Variants in ODF2L observed in about 807,000 individuals in gnomAD.
ODF2L encodes protein BCAP.
Under a neutral mutation model 86.3 loss-of-function variants are expected in ODF2L, and 76 were observed. That is an observed-to-expected ratio of 0.88 (90% CI 0.73 to 1.07). The LOEUF is 1.07. Among genes scored for constraint, ODF2L ranks in the 50% least tolerant of loss-of-function variants. The pLI is 0.00. For synonymous variants in ODF2L, 241 were observed against 231.3 expected (o/e 1.04, Z -0.38); for missense variants, 748 against 717.4 (o/e 1.04, Z -0.49).
intron 2 of ODF2L, chr1:86,386,091 T>C (rs550317801): frequency 6.6e-6 from 1 of 152,452 alleles, no homozygotes; most frequent in East Asian, 1.9e-4. Flanking sequence ...TGATAAAATA[T>C]TATTTTCATT....
chr1:86,370,276 TTAATTCTAAATATCATTTAG>T (rs1057326986), intron 10 of ODF2L, among the ~76,000 whole-genome samples: 2 of 150,816 alleles, frequency 1.3e-5, no homozygotes, highest in African/African-American at 5.0e-5. Flanking sequence ...TATCATTTAG[TTAATTCTAAATATCATTTAG>T]TTAATTCTAA....
chr1:86,374,741 T>C (rs1334518108), intron 8 of ODF2L, among the ~76,000 whole-genome samples: 2 of 152,314 alleles, frequency 1.3e-5, no homozygotes, highest in Admixed American at 6.5e-5. Context: ...GACCTTCTAA[T>C]TACCAAAGAC....
chr1:86,359,103 C>A (rs929969904), intron 12 of ODF2L, among the ~76,000 whole-genome samples: 7 of 152,256 alleles, frequency 4.6e-5, no homozygotes, highest in Admixed American at 2.6e-4. Context: ...CTTCTCTCAT[C>A]AATACTTCTA....
chr1:86,370,354 T>C (rs1400561610), intron 10 of ODF2L, among the ~76,000 whole-genome samples: 11 of 152,114 alleles, frequency 7.2e-5, no homozygotes, highest in Non-Finnish European at 1.6e-4. Context: ...TAGATGCTTA[T>C]ATTACAAGTT....
chr1:86,368,619 T>C, intron 11 of ODF2L: 1 of 1,390,408 alleles, frequency 7.2e-7, no homozygotes, highest in South Asian at 1.8e-5. Flanking sequence ...CTAATGGCAG[T>C]ATGAGTAATA....
intron 11 of ODF2L, among the ~76,000 whole-genome samples, chr1:86,368,059 A>AAGCCACAG (rs1207122193): frequency 6.6e-6 from 1 of 152,158 alleles, no homozygotes; most frequent in South Asian, 2.1e-4. Flanking sequence ...TGAACACGGC[A>AAGCCACAG]AGCCACAGAG....
intron 12 of ODF2L, 27 bp downstream of exon 11, chr1:86,360,399 A>G: frequency 1.0e-6 from 1 of 1,002,950 alleles, no homozygotes; most frequent in Non-Finnish European, 1.5e-6. Flanking sequence ...CAATTTTAGT[A>G]AACACTAAAA....
intron 8 of ODF2L, among the ~76,000 whole-genome samples, chr1:86,373,623 T>C (rs1659965587): frequency 6.6e-6 from 1 of 151,922 alleles, no homozygotes; most frequent in Admixed American, 6.6e-5. Context: ...TTGAATTAAT[T>C]TCATGCTCTA....
intron 7 of ODF2L, among the ~76,000 whole-genome samples, chr1:86,377,894 G>A (rs745819018): frequency 6.6e-6 from 1 of 152,078 alleles, no homozygotes; most frequent in South Asian, 2.1e-4. Context: ...ATTAATATTC[G>A]GCTTCTCATT....
downstream of ODF2L, chr1:86,347,251 TC>T (rs1187187308): frequency 6.6e-6 from 1 of 152,220 alleles, no homozygotes; most frequent in Non-Finnish European, 1.5e-5. Context: ...TCAACATCTG[TC>T]CATCTATCCA....
At chr1:86,381,707 A>G (rs1660602925) in intron 7 of ODF2L, among the ~76,000 whole-genome samples, 1 of 152,100 alleles carries the variant, frequency 6.6e-6, no homozygotes, top group South Asian at 2.1e-4. Flanking sequence ...AATTAAACCA[A>G]AAAATTCCCC....
intron 2 of ODF2L, chr1:86,386,685 G>C (rs1163568814): frequency 1.8e-5 from 7 of 399,814 alleles, no homozygotes; most frequent in East Asian, 1.1e-4. Flanking sequence ...ATTGCGCCCG[G>C]CCAGGTTTTC....
rs1317287548 is a variant in ODF2L at position 86,354,700 on chromosome 1, C to T, written c.1605-8G>A. 1.3e-6 allele frequency: 2 copies of T among 1,597,250 alleles called. No individual in the cohort carries two copies. The highest frequency in any genetic ancestry group is 2.2e-5 in the East Asian group (1 of 44,752). On this transcript the variant is annotated splice_region_variant and splice_polypyrimidine_tract_variant and intron_variant, in intron 15 of 17. Transcript: ENST00000317336. ...TCCATCTGTTCTAATTTTCTTTTTACAGAAAACATATATTTTAAAATGTTA... is the reference window on the plus strand; with the variant it reads ...TCCATCTGTTCTAATTTTCTTTTTATAGAAAACATATATTTTAAAATGTTA...
At chr1:86,393,843 G>C (rs1661506961) in intron 1 of ODF2L, among the ~76,000 whole-genome samples, 1 of 152,176 alleles carries the variant, frequency 6.6e-6, no homozygotes, top group South Asian at 2.1e-4. Flanking sequence ...CTAACACAGT[G>C]GGGAGCATAG....
chr1:86,376,252 G>T (rs777958861), exon 8 of ODF2L: 2 of 1,608,796 alleles, frequency 1.2e-6, no homozygotes, highest in Non-Finnish European at 1.7e-6. Context: ...AATTTGGGAA[G>T]TAAGCTTTTC....
chr1:86,372,717 T>C, intron 8 of ODF2L, 177 bp from the exon 9 acceptor site: 1 of 397,232 alleles, frequency 2.5e-6, no homozygotes, highest in East Asian at 4.1e-5. Flanking sequence ...TGCAAAAATA[T>C]GGAACCAGCC....
chr1:86,348,804 A>C, downstream of ODF2L: 1 of 1,554,192 alleles, frequency 6.4e-7, no homozygotes, highest in Middle Eastern at 1.7e-4. Flanking sequence ...AATTCTTAAT[A>C]CTCTCATTTT....
chr1:86,376,702 G>T (rs1660200424), intron 7 of ODF2L, among the ~76,000 whole-genome samples: 1 of 152,070 alleles, frequency 6.6e-6, no homozygotes, highest in South Asian at 2.1e-4. Context: ...AGGAGCAAAG[G>T]GGGAAGAGCC....
At chr1:86,379,401 C>T (rs898400175) in intron 7 of ODF2L, among the ~76,000 whole-genome samples, 2 of 152,118 alleles carry the variant, frequency 1.3e-5, no homozygotes, top group African/African-American at 2.4e-5. Context: ...ATGGTACAAA[C>T]ACTAACTTCC....
Sources: gnomAD v4.1 joint callset for allele counts (sites outside exome capture counted in the v4.1 genomes callset) on GRCh38, gnomAD v4.1.1 for gene constraint, MANE v1.5 for transcripts, NCBI Gene and HGNC (gene_info 2026-07-23, HGNC 2026-07-21) for gene names.